The following LRFN5 variants were observed in gnomAD, a reference collection of about 807,000 sequenced individuals.
LRFN5 encodes the protein leucine rich repeat and fibronectin type III domain containing 5, also known as leucine-rich repeat and fibronectin type-III domain-containing protein 5.
A neutral mutation model predicts 45.6 loss-of-function variants in LRFN5; 24 were observed. The observed-to-expected ratio is 0.53, with a 90% CI of 0.38 to 0.74. The LOEUF is 0.74. LRFN5 is among the 30% of genes least tolerant of loss of function. LRFN5 has a pLI of 0.00. For missense variants in LRFN5, 776 were observed against 861.5 expected, an observed-to-expected ratio of 0.90 and a Z score of 1.24; for synonymous variants, 340 against 313.8, an observed-to-expected ratio of 1.08 and a Z score of -0.88.
chr14:41,818,714 G>A lies in LRFN5; in HGVS notation c.-21+51685G>A, dbSNP rs79784849. On this transcript the variant is annotated intron_variant, in intron 2 of 5. Coordinates refer to ENST00000298119, the MANE Select transcript of LRFN5 (RefSeq NM_152447.5). ...TCTCTCCAAATATTTTTGTCTTTTT[G>A]TGTTGATTCTTTGTTTCATCTCTTT... Among the ~76,000 whole-genome samples the A allele has an allele frequency of 1.2e-3, 188 of 152,066 alleles. 1 individual carries two copies. Among genetic ancestry groups the A allele is most frequent in the African/African-American group, 4.4e-3 (182 of 41,486 alleles).
intron 1 of LRFN5, among the ~76,000 whole-genome samples, chr14:41,648,205 G>T (rs969388290): frequency 1.3e-5 from 2 of 151,994 alleles, no homozygotes; most frequent in African/African-American, 4.8e-5. Flanking sequence ...GAAGGCTCTA[G>T]TATGGAATAT....
chr14:41,884,683 CT>C (rs903313656), intron 2 of LRFN5, among the ~76,000 whole-genome samples: 3 of 152,168 alleles, frequency 2.0e-5, no homozygotes, highest in African/African-American at 7.2e-5. Flanking sequence ...CGATCTCCAC[CT>C]GGCAGCCTCC....
Position 41,614,890 on chromosome 14 carries a change from T to A in LRFN5, c.-197+6328T>A, listed in dbSNP as rs111706849. Among the ~76,000 whole-genome samples, 1,352 of 152,112 alleles carry A rather than the reference T, an allele frequency of 8.9e-3. 9 individuals carry two copies. Among genetic ancestry groups the A allele is most frequent in the Middle Eastern group, 0.02 (6 of 294 alleles). On this transcript the variant is annotated intron_variant, in intron 1 of 5. Coordinates refer to ENST00000298119, the MANE Select transcript of LRFN5 (RefSeq NM_152447.5). The stretch of plus-strand genomic sequence containing the variant: ...AGCATGAGCACCAAGAGGGAAAGTA[T>A]AAAGGAGGTAATAATCGTATGGCTT...
chr14:41,723,230 CT>C (rs959424249), intron 1 of LRFN5, among the ~76,000 whole-genome samples: 1 of 152,078 alleles, frequency 6.6e-6, no homozygotes, highest in Non-Finnish European at 1.5e-5. Context: ...GAGGGCCTCC[CT>C]GTACCAGGAT....
At chr14:41,757,907 T>C (rs952389806) in intron 1 of LRFN5, among the ~76,000 whole-genome samples, 48 of 152,244 alleles carry the variant, frequency 3.2e-4, no homozygotes, top group African/African-American at 1.2e-3. Flanking sequence ...TCCAGAAGAA[T>C]GTCATTTTTG....
chr14:41,837,135 G>A (rs1374743927), intron 2 of LRFN5, among the ~76,000 whole-genome samples: 1 of 140,814 alleles, frequency 7.1e-6, no homozygotes. Context: ...CAAATCAGCG[G>A]ACTGAGAAGT....
At chr14:41,879,358 T>TA (rs201995401) in intron 2 of LRFN5, among the ~76,000 whole-genome samples, 1,938 of 151,786 alleles carry the variant, frequency 0.013, 40 homozygotes, top group African/African-American at 0.045. Flanking sequence ...TTTCCTTTTT[T>TA]AAAAAAAATT....
chr14:41,839,536 T>C (rs549898745), intron 2 of LRFN5, among the ~76,000 whole-genome samples: 1 of 152,256 alleles, frequency 6.6e-6, no homozygotes, highest in South Asian at 2.1e-4. Flanking sequence ...AGCTATCTTA[T>C]TTTTTGCCTG....
chr14:41,710,074 A>G (rs1883221965), intron 1 of LRFN5, among the ~76,000 whole-genome samples: 1 of 152,082 alleles, frequency 6.6e-6, no homozygotes, highest in Admixed American at 6.6e-5. Flanking sequence ...GATAGAATAT[A>G]TTGTTGTCTT....
chr14:41,841,751 G>A (rs1566477200), intron 2 of LRFN5, among the ~76,000 whole-genome samples: 1 of 151,722 alleles, frequency 6.6e-6, no homozygotes, highest in Non-Finnish European at 1.5e-5. Context: ...TCACAGGGTA[G>A]ATGGGCATGC....
At chr14:41,707,361 A>G (rs2138738460) in intron 1 of LRFN5, among the ~76,000 whole-genome samples, 1 of 152,306 alleles carries the variant, frequency 6.6e-6, no homozygotes. Context: ...TTTGGTTAAG[A>G]ATTCTTCCCA....
intron 1 of LRFN5, among the ~76,000 whole-genome samples, chr14:41,644,170 G>A (rs1879707472): frequency 6.6e-6 from 1 of 152,160 alleles, no homozygotes; most frequent in South Asian, 2.1e-4. Flanking sequence ...GTTAATAGAT[G>A]CCTTGAGATT....
chr14:41,755,937 A>G (rs7150515), intron 1 of LRFN5, among the ~76,000 whole-genome samples: 115,448 of 152,102 alleles, frequency 0.76, 44,194 homozygotes, highest in East Asian at 0.97. Context: ...TGCTTTCTTC[A>G]GGAGCCCTTT....
rs1038060163 is a variant in LRFN5, at chr14:41,898,989, T to C, written c.2142+29T>C. The stretch of plus-strand genomic sequence containing the variant: ...AGATTCTTATTACCTATAACTTACT[T>C]CAACACTTAAATGGGTATACACTTT... On this transcript the variant is annotated intron_variant, in intron 5 of 5. Coordinates refer to ENST00000298119, the MANE Select transcript of LRFN5 (RefSeq NM_152447.5). 1.9e-6 allele frequency: 3 copies of C among 1,578,012 alleles called. No individual in the cohort carries two copies. The African/African-American group carries it at 4.1e-5, about 21-fold the overall frequency.
intron 2 of LRFN5, among the ~76,000 whole-genome samples, chr14:41,790,349 T>C (rs1253375814): frequency 6.6e-6 from 1 of 151,884 alleles, no homozygotes; most frequent in Non-Finnish European, 1.5e-5. Flanking sequence ...ACCAGTGACG[T>C]ATAAACTATT....
chr14:41,846,614 A>G (rs540809218), intron 2 of LRFN5, among the ~76,000 whole-genome samples: 1 of 152,226 alleles, frequency 6.6e-6, no homozygotes, highest in East Asian at 1.9e-4. Flanking sequence ...GTTTATGTGG[A>G]AATTTGATTT....
intron 1 of LRFN5, among the ~76,000 whole-genome samples, chr14:41,693,282 G>T (rs1344507191): frequency 3.3e-5 from 5 of 152,034 alleles, no homozygotes; most frequent in African/African-American, 1.2e-4. Context: ...AATAAACCCT[G>T]CCTGAATTTT....
chr14:41,831,813 A>C (rs528880088), intron 2 of LRFN5, among the ~76,000 whole-genome samples: 8 of 152,112 alleles, frequency 5.3e-5, no homozygotes, highest in Non-Finnish European at 8.8e-5. Context: ...GAAATACCAA[A>C]GACTAGGTGA....
intron 1 of LRFN5, among the ~76,000 whole-genome samples, chr14:41,632,213 C>T (rs1888561558): frequency 6.6e-6 from 1 of 152,058 alleles, no homozygotes; most frequent in Non-Finnish European, 1.5e-5. Context: ...TAATAACTAT[C>T]ATTCCTTTTT....
Sources: gnomAD v4.1 joint callset for allele counts (sites outside exome capture counted in the v4.1 genomes callset) on GRCh38, gnomAD v4.1.1 for gene constraint, MANE v1.5 for transcripts, NCBI Gene and HGNC (gene_info 2026-07-23, HGNC 2026-07-21) for gene names.